Variants in LEKR1 observed in about 807,000 individuals in gnomAD.
The protein encoded by LEKR1 is protein LEKR1.
A neutral mutation model predicts 72.4 loss-of-function variants in LEKR1; 59 were observed. The observed-to-expected ratio is 0.82, with a 90% CI of 0.66 to 1.01. LEKR1 has a LOEUF of 1.01. Ranked by LOEUF, LEKR1 falls within the 50% of genes least tolerant of loss-of-function variation. LEKR1 has a pLI of 0.00. For missense variants in LEKR1, 728 were observed against 759.2 expected (o/e 0.96, Z 0.48); for synonymous variants, 257 against 263.2 (o/e 0.98, Z 0.23).
At position 157,020,609 on chromosome 3, in the gene LEKR1, C is replaced by T. The variant is rs532465310; in HGVS notation, c.1204-4151C>T. ...CATGTACCTACAAAGGACATGAACT[C>T]ATCATTTTTTATGGCTGCATAGTAT... On this transcript the variant is annotated intron_variant, in intron 10 of 12. Coordinates refer to ENST00000356539, the MANE Select transcript of LEKR1 (RefSeq NM_001004316.3). Among the ~76,000 whole-genome samples, 657 of 151,544 alleles carry T rather than the reference C, an allele frequency of 4.3e-3. 4 individuals carry two copies. Among genetic ancestry groups the T allele is most frequent in the Middle Eastern group, 0.027 (8 of 294 alleles).
intron 2 of LEKR1, among the ~76,000 whole-genome samples, chr3:156,837,903 T>C (rs1036483461): frequency 1.3e-5 from 2 of 152,174 alleles, no homozygotes; most frequent in African/African-American, 4.8e-5. Context: ...GTGGGGGCCA[T>C]GCTGCATTAC....
chr3:156,953,047 ACT>A (rs1330618940), intron 6 of LEKR1, among the ~76,000 whole-genome samples: 8 of 151,544 alleles, frequency 5.3e-5, no homozygotes, highest in East Asian at 1.9e-4. Flanking sequence ...ATTTACTTGT[ACT>A]CTCTATAAAT....
chr3:156,830,865 G>A (rs977223501), intron 2 of LEKR1, among the ~76,000 whole-genome samples: 1 of 152,200 alleles, frequency 6.6e-6, no homozygotes, highest in African/African-American at 2.4e-5. Context: ...GATAACAGGG[G>A]AAACATCTTT....
chr3:157,011,373 G>A (rs1229936612), intron 9 of LEKR1, 40 bp from the exon 10 acceptor site: 2 of 1,306,876 alleles, frequency 1.5e-6, no homozygotes, highest in Middle Eastern at 1.8e-4. Flanking sequence ...ATTGTGTTAG[G>A]GGTAAGTATT....
At chr3:156,898,414 A>G (rs1362005687) in intron 3 of LEKR1, among the ~76,000 whole-genome samples, 2 of 152,278 alleles carry the variant, frequency 1.3e-5, no homozygotes, top group East Asian at 3.9e-4. Context: ...TAGTCCTCAA[A>G]TGCATTTATT....
chr3:156,900,061 C>T (rs1426852910), intron 3 of LEKR1, among the ~76,000 whole-genome samples: 1 of 151,978 alleles, frequency 6.6e-6, no homozygotes, highest in Non-Finnish European at 1.5e-5. Flanking sequence ...ATGGTAAACT[C>T]AAATGCCTAG....
chr3:156,852,519 A>G (rs543551261), intron 2 of LEKR1, among the ~76,000 whole-genome samples: 26 of 152,140 alleles, frequency 1.7e-4, no homozygotes, highest in African/African-American at 6.0e-4. Flanking sequence ...TCAAGAGTAA[A>G]TTTTTCTTAG....
At chr3:157,017,948 CAAAAAAAAAAAA>C (rs58950224) in intron 10 of LEKR1, among the ~76,000 whole-genome samples, 1 of 82,990 alleles carries the variant, frequency 1.2e-5, no homozygotes, top group Non-Finnish European at 2.3e-5. Context: ...GACTCTGTCT[CAAAAAAAAAAAA>C]AAAAAAAAAA....
chr3:156,996,241 G>T lies in LEKR1; in HGVS notation c.1109+2964G>T, dbSNP rs532969093. On this transcript the variant is annotated intron_variant, in intron 9 of 12. Transcript: ENST00000356539. ...AGTAGTAAAAATTGATAGAAGAGGTGCCTGCTTTGGCTAGGGTGGTCATAA... is the reference window on the plus strand; with the variant it reads ...AGTAGTAAAAATTGATAGAAGAGGTTCCTGCTTTGGCTAGGGTGGTCATAA... 6.6e-5 allele frequency among the ~76,000 whole-genome samples: 10 copies of T among 152,248 alleles called. No homozygotes were observed. In the East Asian group the frequency reaches 1.9e-3, roughly 29 times the overall value.
chr3:157,023,680 A>G (rs979769381), intron 10 of LEKR1, among the ~76,000 whole-genome samples: 2 of 152,180 alleles, frequency 1.3e-5, no homozygotes, highest in African/African-American at 4.8e-5. Context: ...CAAACTTAAG[A>G]TCACTCAGTT....
chr3:156,990,197 T>C (rs986346636), intron 7 of LEKR1, among the ~76,000 whole-genome samples: 7 of 152,180 alleles, frequency 4.6e-5, no homozygotes, highest in African/African-American at 1.7e-4. Flanking sequence ...TTTATTGGTC[T>C]GATGATTCCT....
chr3:156,835,820 G>T (rs942679488), intron 2 of LEKR1, among the ~76,000 whole-genome samples: 1 of 131,854 alleles, frequency 7.6e-6, no homozygotes, highest in African/African-American at 2.8e-5. Flanking sequence ...TTCCTTCCTC[G>T]CTCCCTCCCT....
At chr3:156,885,597 G>C (rs931908539) in intron 3 of LEKR1, among the ~76,000 whole-genome samples, 2 of 152,216 alleles carry the variant, frequency 1.3e-5, no homozygotes, top group Non-Finnish European at 2.9e-5. Context: ...AGTGGGGCTG[G>C]TGCTGTCCTG....
chr3:157,041,434 A>G (rs1735332629), intron 12 of LEKR1, among the ~76,000 whole-genome samples: 1 of 152,168 alleles, frequency 6.6e-6, no homozygotes. Flanking sequence ...CAATGACTCC[A>G]TATGAGCCTC....
At chr3:156,896,294 G>A (rs1721175244) in intron 3 of LEKR1, among the ~76,000 whole-genome samples, 1 of 152,072 alleles carries the variant, frequency 6.6e-6, no homozygotes, top group Non-Finnish European at 1.5e-5. Flanking sequence ...AAACCACCAT[G>A]GCACATGTTT....
chr3:156,915,810 A>G lies in LEKR1; in HGVS notation c.264-4765A>G, dbSNP rs1723581301. Reference sequence around the variant, plus strand: ...TTGGCTATTGTTGTGATTGCTTTTGATGTCATTGTCAAGAAATCTTTACCT... The same window carrying G: ...TTGGCTATTGTTGTGATTGCTTTTGGTGTCATTGTCAAGAAATCTTTACCT... On this transcript the variant is annotated intron_variant, in intron 3 of 12. Coordinates refer to ENST00000356539, the MANE Select transcript of LEKR1 (RefSeq NM_001004316.3). Among the ~76,000 whole-genome samples, 7 of 151,900 alleles carry G rather than the reference A, an allele frequency of 4.6e-5. No homozygotes were observed. In the South Asian group the frequency reaches 1.5e-3, roughly 32 times the overall value.
intron 6 of LEKR1, among the ~76,000 whole-genome samples, chr3:156,973,466 C>T (rs1474764461): frequency 6.6e-6 from 1 of 152,046 alleles, no homozygotes; most frequent in Non-Finnish European, 1.5e-5. Context: ...GGCTGAGCTC[C>T]TTGTGCTTCC....
chr3:157,044,243 T>C (rs1013414753), intron 12 of LEKR1, among the ~76,000 whole-genome samples: 1 of 152,242 alleles, frequency 6.6e-6, no homozygotes. Flanking sequence ...TTGTGTTTAC[T>C]TACTAGGATA....
intron 5 of LEKR1, among the ~76,000 whole-genome samples, chr3:156,934,572 T>C (rs757860307): frequency 1.3e-5 from 2 of 152,180 alleles, no homozygotes; most frequent in African/African-American, 4.8e-5. Context: ...AAGTTTTTTA[T>C]TGAATTTATA....
Sources: gnomAD v4.1 joint callset for allele counts (sites outside exome capture counted in the v4.1 genomes callset) on GRCh38, gnomAD v4.1.1 for gene constraint, MANE v1.5 for transcripts, NCBI Gene and HGNC (gene_info 2026-07-23, HGNC 2026-07-21) for gene names.